The following AGBL4 variants were observed in gnomAD, a reference collection of about 807,000 sequenced individuals.
The protein encoded by AGBL4 is cytosolic carboxypeptidase 6.
AGBL4 carries 58 observed loss-of-function variants against 66.4 expected under a neutral mutation model. The observed-to-expected ratio is 0.87, with a 90% CI of 0.71 to 1.09. The LOEUF (loss-of-function observed/expected upper bound fraction) is 1.09, where lower values mean the gene tolerates loss of function less well. Ranked by LOEUF, AGBL4 falls within the 50% of genes least tolerant of loss-of-function variation. The pLI is 0.00. For synonymous variants in AGBL4, 234 were observed against 222.9 expected (o/e 1.05, Z -0.44); for missense variants, 579 against 631.0 (o/e 0.92, Z 0.88).
At chr1:49,260,985 G>C (rs1333619056) in intron 3 of AGBL4, among the ~76,000 whole-genome samples, 3 of 151,066 alleles carry the variant, frequency 2.0e-5, no homozygotes, top group Admixed American at 6.6e-5. Flanking sequence ...TCATCCCTGC[G>C]ATGCAAGGCT....
At chr1:48,601,629 A>G (rs940202964) in intron 9 of AGBL4, among the ~76,000 whole-genome samples, 1 of 152,204 alleles carries the variant, frequency 6.6e-6, no homozygotes, top group Non-Finnish European at 1.5e-5. Context: ...ACATTTATAC[A>G]GTTATAAACC....
Position 48,736,977 on chromosome 1 carries a change from G to A in AGBL4, c.635-73736C>T, listed in dbSNP as rs1350856539. On this transcript the variant is annotated intron_variant, in intron 6 of 13. Coordinates refer to ENST00000371839, the MANE Select transcript of AGBL4 (RefSeq NM_032785.4). This position sits in a 1 kb window ranked among gnomAD's most constrained non-coding sequence, Gnocchi z 4.0. ...CTTGGCTGCACACAGGGGTCACCTA[G>A]GGAGCTGTAAAAATCACCAGTGACA... 6.6e-6 allele frequency among the ~76,000 whole-genome samples: 1 copy of A among 152,084 alleles called. No homozygotes were observed. Among genetic ancestry groups the A allele is most frequent in the Admixed American group, 6.5e-5 (1 of 15,270 alleles).
intron 6 of AGBL4, among the ~76,000 whole-genome samples, chr1:48,674,111 T>A (rs1363925667): frequency 1.3e-5 from 2 of 152,126 alleles, no homozygotes; most frequent in Non-Finnish European, 2.9e-5. Context: ...TCATCACACC[T>A]CCTCACACCT....
At chr1:48,664,216 C>T (rs1646151696) in intron 6 of AGBL4, among the ~76,000 whole-genome samples, 1 of 152,128 alleles carries the variant, frequency 6.6e-6, no homozygotes, top group African/African-American at 2.4e-5. Flanking sequence ...GAGGGGGAAG[C>T]ACTGTAGAAA....
intron 3 of AGBL4, among the ~76,000 whole-genome samples, chr1:49,627,041 G>A (rs1000688381): frequency 1.3e-5 from 2 of 152,068 alleles, no homozygotes; most frequent in African/African-American, 4.8e-5. Context: ...TGTTGCTCAT[G>A]GACCACAGTC....
At chr1:49,644,874 A>T (rs1645854708) in intron 3 of AGBL4, among the ~76,000 whole-genome samples, 2 of 151,548 alleles carry the variant, frequency 1.3e-5, no homozygotes. Context: ...ACTGGACCAT[A>T]AAAGAAATTC....
intron 6 of AGBL4, among the ~76,000 whole-genome samples, chr1:48,757,203 A>G (rs1643980078): frequency 6.6e-6 from 1 of 152,204 alleles, no homozygotes; most frequent in Admixed American, 6.5e-5. Context: ...AGTTCATAAA[A>G]GGCATAGCAT....
At chr1:49,586,882 G>A (rs1420678936) in intron 3 of AGBL4, among the ~76,000 whole-genome samples, 1 of 152,130 alleles carries the variant, frequency 6.6e-6, no homozygotes, top group Non-Finnish European at 1.5e-5. Flanking sequence ...CCTCACCTCT[G>A]TCTTGACTCA....
chr1:50,019,622 A>C (rs1010245174), intron 1 of AGBL4, among the ~76,000 whole-genome samples: 3 of 152,088 alleles, frequency 2.0e-5, no homozygotes, highest in Non-Finnish European at 4.4e-5. Context: ...CATTTATTTC[A>C]CAGAGAGTGA....
chr1:49,350,421 T>A (rs1317336712), intron 3 of AGBL4, among the ~76,000 whole-genome samples: 2 of 152,026 alleles, frequency 1.3e-5, no homozygotes, highest in African/African-American at 2.4e-5. Flanking sequence ...GCCGGGATGG[T>A]CTCGATCTCC....
At chr1:48,587,604 TTTA>T (rs976680002) in intron 10 of AGBL4, among the ~76,000 whole-genome samples, 2 of 150,424 alleles carry the variant, frequency 1.3e-5, no homozygotes, top group African/African-American at 2.4e-5. Context: ...CTCTATTCTT[TTTA>T]TTATTATTAT....
intron 6 of AGBL4, among the ~76,000 whole-genome samples, chr1:48,670,984 G>T (rs555180055): frequency 6.6e-6 from 1 of 152,346 alleles, no homozygotes; most frequent in South Asian, 2.1e-4. Flanking sequence ...GGCCAGGAGG[G>T]CCCTGCCTGG....
chr1:49,498,404 A>T (rs1211675503), intron 3 of AGBL4, among the ~76,000 whole-genome samples: 1 of 151,906 alleles, frequency 6.6e-6, no homozygotes, highest in African/African-American at 2.4e-5. Flanking sequence ...GTTGAATAGA[A>T]GAGGCAAGAG....
chr1:49,428,238 C>T (rs1645710310), intron 3 of AGBL4, among the ~76,000 whole-genome samples: 1 of 152,152 alleles, frequency 6.6e-6, no homozygotes, highest in Non-Finnish European at 1.5e-5. Flanking sequence ...GGGGACCACA[C>T]TATAAGTGTT....
chr1:49,643,332 C>T (rs1334630852), intron 3 of AGBL4, among the ~76,000 whole-genome samples: 1 of 151,412 alleles, frequency 6.6e-6, no homozygotes, highest in African/African-American at 2.4e-5. Context: ...AACAGAGTAT[C>T]AATGAACTGT....
At chr1:49,006,055 AC>A (rs1661766924) in intron 5 of AGBL4, among the ~76,000 whole-genome samples, 1 of 151,960 alleles carries the variant, frequency 6.6e-6, no homozygotes. Flanking sequence ...GCTCGGGTCT[AC>A]AGCTCCCAGC....
At chr1:49,974,437 A>T (rs1000439003) in intron 1 of AGBL4, among the ~76,000 whole-genome samples, 6 of 152,128 alleles carry the variant, frequency 3.9e-5, no homozygotes, top group Non-Finnish European at 5.9e-5. Context: ...ATATAAAGAG[A>T]ACTTAAAGGA....
intron 1 of AGBL4, among the ~76,000 whole-genome samples, chr1:50,011,867 G>T (rs1041814158): frequency 1.3e-5 from 2 of 152,212 alleles, no homozygotes; most frequent in African/African-American, 4.8e-5. Context: ...GAGAGTAGAA[G>T]AATGTTTACC....
intron 3 of AGBL4, among the ~76,000 whole-genome samples, chr1:49,570,774 A>C (rs946519923): frequency 6.6e-6 from 1 of 152,016 alleles, no homozygotes; most frequent in African/African-American, 2.4e-5. Flanking sequence ...ATGATGAGAG[A>C]TAAGGATCCA....
Sources: gnomAD v4.1 joint callset for allele counts (sites outside exome capture counted in the v4.1 genomes callset) on GRCh38, gnomAD v4.1.1 for gene constraint, Gnocchi (gnomAD v3.1) non-coding constraint, MANE v1.5 for transcripts, NCBI Gene and HGNC (gene_info 2026-07-23, HGNC 2026-07-21) for gene names.